The following PALB2 variants were observed in gnomAD, a reference collection of about 807,000 sequenced individuals.
PALB2 encodes partner and localizer of BRCA2.
In PALB2, 82 loss-of-function variants were observed where a neutral mutation model predicts 107.4. That is an observed-to-expected ratio of 0.76 (90% CI 0.64 to 0.92). The LOEUF (loss-of-function observed/expected upper bound fraction) is 0.92. PALB2 is among the 40% of genes least tolerant of loss of function. PALB2 has a pLI of 0.00. For synonymous variants in PALB2, 489 were observed against 496.8 expected, an observed-to-expected ratio of 0.98 and a Z score of 0.21; for missense variants, 1,374 against 1,379.9, an observed-to-expected ratio of 1.00 and a Z score of 0.07.
At chr16:23,625,904 T>C (rs1312244722) in intron 7 of PALB2, among the ~76,000 whole-genome samples, 1 of 151,938 alleles carries the variant, frequency 6.6e-6, no homozygotes, top group South Asian at 2.1e-4. Context: ...TTACTGAGCC[T>C]GGGGAGGTTG....
chr16:23,631,137 G>A lies in PALB2; in HGVS notation c.1685-668C>T, dbSNP rs374460915. On this transcript the variant is annotated intron_variant, in intron 4 of 12. Transcript: ENST00000261584. ...AAAAAAAAAAAAAAAAAAATTAGCC[G>A]GGTGTGGTGGCTGGCGCCTGTAGTC... Among the ~76,000 whole-genome samples the A allele has an allele frequency of 1.5e-3, 221 of 149,680 alleles. 3 individuals carry two copies. The highest frequency in any genetic ancestry group is 4.7e-3 in the African/African-American group (193 of 41,050).
chr16:23,614,375 T>C (rs1205455422), intron 10 of PALB2, among the ~76,000 whole-genome samples: 2 of 152,190 alleles, frequency 1.3e-5, no homozygotes, highest in African/African-American at 4.8e-5. Flanking sequence ...CAACCTGGTA[T>C]TGAAATCAGG....
At chr16:23,615,078 A>T (rs1966661157) in intron 10 of PALB2, among the ~76,000 whole-genome samples, 1 of 150,522 alleles carries the variant, frequency 6.6e-6, no homozygotes, top group South Asian at 2.1e-4. Flanking sequence ...CCTTCCAAGT[A>T]GCTGGGATTA....
intron 1 of PALB2, chr16:23,638,401 C>T: frequency 1.9e-6 from 1 of 516,562 alleles, no homozygotes; most frequent in South Asian, 2.0e-5. Flanking sequence ...GGATAGACTT[C>T]TAGGTCCTTC....
intron 3 of PALB2, 117 bp from the exon 4 acceptor site, chr16:23,636,451 G>GT: frequency 2.7e-6 from 2 of 749,682 alleles, no homozygotes; most frequent in Non-Finnish European, 4.1e-6. Context: ...GAAAGAATCA[G>GT]TGACATTTCA....
chr16:23,629,130 G>T lies in PALB2; in HGVS notation c.2586+74C>A. 4.4e-6 allele frequency: 5 copies of T among 1,126,126 alleles called. No individual in the cohort carries two copies. The South Asian group carries it at 6.2e-5, about 14-fold the overall frequency. 69.8% of individuals were successfully genotyped at this position (1,126,126 alleles called of 1,614,324 possible). A position where few individuals can be genotyped will look rare whatever the true frequency, so the allele number is the denominator to read the frequency against. ...AGTATTAAAGAACAAGAAGCTATAT[G>T]ACTGAATTCTTTTCAGTTCATTAAA... On this transcript the variant is annotated intron_variant, in intron 6 of 12. Coordinates refer to ENST00000261584, the MANE Select transcript of PALB2 (RefSeq NM_024675.4).
chr16:23,603,452 C>T lies in PALB2; in HGVS notation c.*7G>A, dbSNP rs749281545. Reference sequence around the variant, plus strand: ...TCCAGAAAATTGTGTTTTCACTTTACCCTAACTTATGAATAGTGGTATACA... The same window carrying T: ...TCCAGAAAATTGTGTTTTCACTTTATCCTAACTTATGAATAGTGGTATACA... On this transcript the variant is annotated 3_prime_UTR_variant, in exon 13 of 13. Transcript: ENST00000261584. 6.2e-7 allele frequency: 1 copy of T among 1,607,994 alleles called. No individual in the cohort carries two copies. The highest frequency in any genetic ancestry group is 1.7e-5 in the Admixed American group (1 of 59,980).
At chr16:23,637,764 T>A in intron 3 of PALB2, 86 bp downstream of exon 3, 1 of 1,008,254 alleles carries the variant, frequency 9.9e-7, no homozygotes, top group Non-Finnish European at 1.6e-6. Flanking sequence ...AGTCATTATC[T>A]TCACACTGTG....
At chr16:23,616,015 T>C (rs576531126) in intron 10 of PALB2, among the ~76,000 whole-genome samples, 1 of 152,306 alleles carries the variant, frequency 6.6e-6, no homozygotes, top group South Asian at 2.1e-4. Flanking sequence ...TTATCACTCA[T>C]TGCTCCATTT....
At chr16:23,619,121 A>G (rs1273547975) in intron 10 of PALB2, among the ~76,000 whole-genome samples, 1 of 152,232 alleles carries the variant, frequency 6.6e-6, no homozygotes, top group Non-Finnish European at 1.5e-5. Context: ...TCACACTAAT[A>G]TAACTTCCTC....
chr16:23,631,196 C>T (rs1205675175), intron 4 of PALB2, among the ~76,000 whole-genome samples: 9 of 137,486 alleles, frequency 6.5e-5, no homozygotes, highest in Non-Finnish European at 9.1e-5. Flanking sequence ...GGGAGAATGG[C>T]GTGAACCCAG....
At chr16:23,610,177 A>G (rs1016054209) in intron 11 of PALB2, among the ~76,000 whole-genome samples, 7 of 152,246 alleles carry the variant, frequency 4.6e-5, no homozygotes, top group East Asian at 3.8e-4. Flanking sequence ...TGGGGCCACA[A>G]TGGCAGAGTT....
chr16:23,630,450 T>G lies in PALB2; in HGVS notation c.1704A>C (p.Gln568His), dbSNP rs876658676. The change falls in exon 5 of 13, where the codon CAA becomes CAC. Residue 568 changes from glutamine (Q) to histidine (H), a missense_variant. Physicochemically the swap from Gln to His is conservative, Grantham distance 24. Transcript: ENST00000261584. ...IQVKGKKSRHQKEDSLSWSNS... is the reference protein window; with the variant it reads ...IQVKGKKSRHHKEDSLSWSNS... ...TACTCCAAGAAAGGGAATCCTCTTT[T>G]TGATGACGACTTTTCTTCCCTAAAG... 1.2e-6 allele frequency: 2 copies of G among 1,613,090 alleles called. No homozygotes were observed. The highest frequency in any genetic ancestry group is 1.7e-6 in the Non-Finnish European group (2 of 1,179,448).
rs1967053280 is a variant in PALB2, at chr16:23,636,204, T to A, written c.342A>T (p.Gly114=). 1 of 1,613,456 alleles carries A rather than the reference T, an allele frequency of 6.2e-7. No individual in the cohort carries two copies. Among genetic ancestry groups the A allele is most frequent in the Non-Finnish European group, 8.5e-7 (1 of 1,179,912 alleles). Residue 114 remains glycine, a synonymous_variant, in exon 4 of 13, where the codon GGA becomes GGT. Coordinates refer to ENST00000261584, the MANE Select transcript of PALB2 (RefSeq NM_024675.4). The stretch of plus-strand genomic sequence containing the variant: ...CATCTGTTCTTTGTATAGGTAATCC[T>A]CCTGGGCCATCTCCAGGGTTAAAGG... The part of the protein sequence containing the change: ...PESFNPGDGP[G]GLPIQRTDDT...
rs587782211 is a variant in PALB2 at position 23,623,018 on chromosome 16, T to A, written c.2947A>T (p.Thr983Ser). ...ACTTCTACTTGTTGATCAGAAAGGG[T>A]CCCACTGCTACTAACTAGCCTCCTC... ...TKRRLVSSSGTLSDQQVEVMT... is the reference protein window; with the variant it reads ...TKRRLVSSSGSLSDQQVEVMT... The change falls in exon 9 of 13, where the codon ACC becomes TCC. Residue 983 changes from threonine (T) to serine (S), a missense_variant. Transcript: ENST00000261584. 5.6e-6 allele frequency: 9 copies of A among 1,614,098 alleles called. No individual in the cohort carries two copies. Among genetic ancestry groups the A allele is most frequent in the Non-Finnish European group, 7.6e-6 (9 of 1,180,012 alleles).
At chr16:23,617,564 A>G (rs1342258786) in intron 10 of PALB2, 1 of 143,722 alleles carries the variant, frequency 7.0e-6, no homozygotes, top group Non-Finnish European at 1.5e-5. Context: ...TACAAAAAAA[A>G]ATTAAAAAAA....
At chr16:23,603,735 AG>A (rs1966409628) in intron 12 of PALB2, 66 bp from the exon 13 acceptor site, 22 of 1,344,684 alleles carry the variant, frequency 1.6e-5, no homozygotes, top group Non-Finnish European at 2.3e-5. Flanking sequence ...AAAAAAAAAA[AG>A]GTCAAAACCA....
At position 23,603,672 on chromosome 16, in the gene PALB2, G is replaced by A. The variant is rs770160637; in HGVS notation, c.3351-3C>T. The A allele has an allele frequency of 6.2e-7, 1 of 1,608,920 alleles. No individual in the cohort carries two copies. On this transcript the variant is annotated splice_polypyrimidine_tract_variant and splice_region_variant and intron_variant, in intron 12 of 12. Coordinates refer to ENST00000261584, the MANE Select transcript of PALB2 (RefSeq NM_024675.4). ...CTTTCACGTCACCTTCCAGGAACCT[G>A]ATAGCATACAAAGAAGATATAATTC...
chr16:23,609,663 G>A (rs1423704654), intron 11 of PALB2, among the ~76,000 whole-genome samples: 2 of 151,982 alleles, frequency 1.3e-5, no homozygotes, highest in South Asian at 2.1e-4. Flanking sequence ...AACTACAGGC[G>A]CCCGCCACCA....
Sources: gnomAD v4.1 joint callset for allele counts (sites outside exome capture counted in the v4.1 genomes callset) on GRCh38, gnomAD v4.1.1 for gene constraint, MANE v1.5 for transcripts, NCBI Gene and HGNC (gene_info 2026-07-23, HGNC 2026-07-21) for gene names.